GOLGA4: variants seen among roughly 807,000 people sequenced by gnomAD.
GOLGA4 encodes the protein golgin subfamily A member 4.
A neutral mutation model predicts 265.9 loss-of-function variants in GOLGA4; 169 were observed. The ratio of observed to expected loss-of-function variants is 0.64; its 90% CI spans 0.56 to 0.72. The LOEUF is 0.72. Ranked by LOEUF, GOLGA4 falls within the 30% of genes least tolerant of loss-of-function variation. The pLI is 0.00. For synonymous variants in GOLGA4, 923 were observed against 855.8 expected, an observed-to-expected ratio of 1.08 and a Z score of -1.37; for missense variants, 2,482 against 2,483.4, an observed-to-expected ratio of 1.00 and a Z score of 0.01.
chr3:37,299,660 GTTAT>G (rs1324243323), intron 9 of GOLGA4, among the ~76,000 whole-genome samples: 2 of 152,258 alleles, frequency 1.3e-5, no homozygotes, highest in East Asian at 1.9e-4. Flanking sequence ...ACAGAGAAAA[GTTAT>G]TTATAGTTAA....
At chr3:37,267,805 G>A (rs1197934173) in intron 2 of GOLGA4, among the ~76,000 whole-genome samples, 1 of 152,192 alleles carries the variant, frequency 6.6e-6, no homozygotes, top group Non-Finnish European at 1.5e-5. Flanking sequence ...TAGGTAGCTG[G>A]TGATGGAAGT....
chr3:37,310,605 C>T (rs539193857), intron 10 of GOLGA4, among the ~76,000 whole-genome samples: 4 of 152,286 alleles, frequency 2.6e-5, no homozygotes, highest in East Asian at 1.9e-4. Flanking sequence ...GAGTGAACCT[C>T]ATCTGAACTG....
chr3:37,335,378 G>T (rs1296750933), intron 17 of GOLGA4, among the ~76,000 whole-genome samples: 3 of 152,146 alleles, frequency 2.0e-5, no homozygotes, highest in Non-Finnish European at 4.4e-5. Context: ...TTGTGGTGAG[G>T]ATTTAAGCCA....
chr3:37,314,642 AACACACACACACACACACACACAC>A, intron 10 of GOLGA4, among the ~76,000 whole-genome samples: 1 of 139,054 alleles, frequency 7.2e-6, no homozygotes, highest in South Asian at 2.4e-4. Flanking sequence ...CTCCGTCTCA[AACACACACACACACACACACACAC>A]ACACACACAC....
Position 37,357,058 on chromosome 3 carries a change from T to G in GOLGA4, c.6663+1871T>G, listed in dbSNP as rs140996139. On this transcript the variant is annotated intron_variant, in intron 22 of 23. Transcript: ENST00000361924. ...TGTAGGTAGTGAATCGATAAAACTC[T>G]TAAAGCAGACAAAAAAGGTTTGTTT... Among the ~76,000 whole-genome samples the G allele has an allele frequency of 3.3e-3, 483 of 147,052 alleles. 1 individual carries two copies. Among genetic ancestry groups the G allele is most frequent in the Middle Eastern group, 0.014 (4 of 290 alleles).
In GOLGA4 at chr3:37,326,837, A is replaced by G. The variant is rs770750058; in HGVS notation, c.4951A>G (p.Ile1651Val). 1.2e-6 allele frequency: 2 copies of G among 1,613,736 alleles called. No homozygotes were observed. Among genetic ancestry groups the G allele is most frequent in the Non-Finnish European group, 8.5e-7 (1 of 1,179,836 alleles). ...AAAAGCTGAACAAAAAATTGCTGCC[A>G]TTAAGAAGCAGTTGTTATCTCAAAT... Reference protein sequence around the residue: ...KRKAEQKIAAIKKQLLSQMEE... With the variant: ...KRKAEQKIAAVKKQLLSQMEE... The change falls in exon 14 of 24, where the codon ATT becomes GTT. Residue 1651 changes from isoleucine to valine, a missense_variant. Ile to Val is a conservative substitution (Grantham distance 29). This residue lies in a region of GOLGA4 where 942 missense variants were observed against 983.1 expected (regional missense o/e 0.96). Coordinates refer to ENST00000361924, the MANE Select transcript of GOLGA4 (RefSeq NM_002078.5).
intron 2 of GOLGA4, among the ~76,000 whole-genome samples, chr3:37,271,266 T>G (rs2096797978): frequency 1.3e-5 from 2 of 152,096 alleles, no homozygotes; most frequent in African/African-American, 4.8e-5. Flanking sequence ...ATGTAGTATA[T>G]TATATTTTTA....
intron 3 of GOLGA4, among the ~76,000 whole-genome samples, chr3:37,282,978 A>T (rs544641879): frequency 6.6e-6 from 1 of 152,268 alleles, no homozygotes; most frequent in East Asian, 1.9e-4. Context: ...TTTTGGAGTA[A>T]GTTGTCCATA....
rs201425544 is a variant in GOLGA4, at chr3:37,299,330, C to A, written c.1045C>A (p.Arg349Ser). ...GAAGACTAAACTTATCACTCAGTTG[C>A]GTGATGCAAAGAACTTAATTGAACA... The part of the protein sequence containing the change: ...AEKTKLITQL[R>S]DAKNLIEQLE... Residue 349 changes from arginine to serine, a missense_variant, in exon 9 of 24, where the codon CGT becomes AGT. This residue lies in a region of GOLGA4 where 1,536 missense variants were observed against 1,483.7 expected (regional missense o/e 1.04). Transcript: ENST00000361924. 11 of 1,612,784 alleles carry A rather than the reference C, an allele frequency of 6.8e-6. 1 individual carries two copies. The South Asian group carries it at 1.2e-4, about 18-fold the overall frequency.
At chr3:37,314,869 T>G (rs1225125437) in intron 10 of GOLGA4, among the ~76,000 whole-genome samples, 1 of 152,168 alleles carries the variant, frequency 6.6e-6, no homozygotes, top group African/African-American at 2.4e-5. Flanking sequence ...AAGTTTCATT[T>G]CAAAATATTC....
chr3:37,280,368 C>G (rs374825543), intron 2 of GOLGA4, among the ~76,000 whole-genome samples: 3 of 152,168 alleles, frequency 2.0e-5, no homozygotes, highest in Non-Finnish European at 4.4e-5. Context: ...TCAGTGTACA[C>G]ACTTTGTTTC....
At position 37,321,948 on chromosome 3, in the gene GOLGA4, G is replaced by A. The variant is rs2096956157; in HGVS notation, c.1701+62G>A. ...AATTATTTGCATATGAAAATTTGTTGTCTCTAGTCAGTATAAAGTTTCGAA... is the reference window on the plus strand; with the variant it reads ...AATTATTTGCATATGAAAATTTGTTATCTCTAGTCAGTATAAAGTTTCGAA... On this transcript the variant is annotated intron_variant, in intron 13 of 23. Transcript: ENST00000361924. 6 of 1,351,432 alleles carry A rather than the reference G, an allele frequency of 4.4e-6. 1 individual carries two copies. Among genetic ancestry groups the A allele is most frequent in the Non-Finnish European group, 6.2e-6 (6 of 975,060 alleles). 83.7% of individuals were successfully genotyped at this position (1,351,432 alleles called of 1,614,324 possible).
chr3:37,325,935 A>C lies in GOLGA4; in HGVS notation c.4049A>C (p.Glu1350Ala). The change falls in exon 14 of 24, where the codon GAA becomes GCA. Residue 1350 changes from glutamate (E) to alanine (A), a missense_variant. Physicochemically the swap from Glu to Ala is moderately radical, Grantham distance 107 (BLOSUM62 -1). Around this residue, in one of 3 missense-constraint regions of GOLGA4, gnomAD observed 942 missense variants for 983.1 expected, o/e 0.96. Coordinates refer to ENST00000361924, the MANE Select transcript of GOLGA4 (RefSeq NM_002078.5). ...ACACAGTTGAAGAAAGAGTTATCTGAAAACATCAATGCTGTCACATTGATG... is the reference window on the plus strand; with the variant it reads ...ACACAGTTGAAGAAAGAGTTATCTGCAAACATCAATGCTGTCACATTGATG... Reference protein sequence around the residue: ...CITQLKKELSENINAVTLMKE... With the variant: ...CITQLKKELSANINAVTLMKE... 1 of 1,612,556 alleles carries C rather than the reference A, an allele frequency of 6.2e-7. No homozygotes were observed. Among genetic ancestry groups the C allele is most frequent in the Admixed American group, 1.7e-5 (1 of 59,978 alleles).
chr3:37,347,283 G>A lies in GOLGA4; in HGVS notation c.6563G>A (p.Gly2188Asp). ...LRKVLFEYMM[G>D]RETKTMAKVI... ...AAAGTGCTTTTTGAGTATATGATGG[G>A]TCGTGAGACTAAGGTATAAATCATG... Residue 2188 changes from glycine (G) to aspartate (D), a missense_variant, in exon 21 of 24, where the codon GGT (glycine) becomes GAT (aspartate). Gly to Asp is a moderately conservative substitution (Grantham distance 94). Around this residue, in one of 3 missense-constraint regions of GOLGA4, gnomAD observed 942 missense variants for 983.1 expected, o/e 0.96. Coordinates refer to ENST00000361924, the MANE Select transcript of GOLGA4 (RefSeq NM_002078.5). 6.3e-7 allele frequency: 1 copy of A among 1,580,196 alleles called. No homozygotes were observed. Among genetic ancestry groups the A allele is most frequent in the Non-Finnish European group, 8.7e-7 (1 of 1,149,494 alleles).
At chr3:37,290,610 G>C (rs930531653) in intron 5 of GOLGA4, among the ~76,000 whole-genome samples, 9 of 152,116 alleles carry the variant, frequency 5.9e-5, no homozygotes, top group Non-Finnish European at 5.9e-5. Flanking sequence ...CTTTATTAAT[G>C]AAAATTTGTA....
intron 21 of GOLGA4, among the ~76,000 whole-genome samples, chr3:37,354,119 C>CT (rs1006127241): frequency 6.6e-6 from 1 of 152,010 alleles, no homozygotes; most frequent in African/African-American, 2.4e-5. Context: ...AATTGTGATA[C>CT]TTTTTTTCCT....
At chr3:37,341,907 C>T (rs971180881) in intron 20 of GOLGA4, 4 of 152,168 alleles carry the variant, frequency 2.6e-5, no homozygotes, top group Non-Finnish European at 5.9e-5. Flanking sequence ...CACTTACAAA[C>T]ACGTTTTTGT....
chr3:37,276,282 A>G, intron 2 of GOLGA4: 1 of 1,581,264 alleles, frequency 6.3e-7, no homozygotes, highest in Non-Finnish European at 8.6e-7. Flanking sequence ...AGGATATCAA[A>G]TCTTAAAGAT....
chr3:37,353,647 C>T (rs78585192), intron 21 of GOLGA4, among the ~76,000 whole-genome samples: 5,856 of 152,132 alleles, frequency 0.038, 146 homozygotes, highest in African/African-American at 0.056. Context: ...AAGCAATTCT[C>T]CCACCTCTCC....
Sources: allele counts gnomAD v4.1 joint callset (sites outside exome capture counted in the v4.1 genomes callset), GRCh38; gene constraint gnomAD v4.1.1; regional missense constraint gnomAD v4.1.1; transcripts MANE v1.5; gene names NCBI Gene and HGNC (gene_info 2026-07-23, HGNC 2026-07-21).